ERI1: variants seen among roughly 807,000 people sequenced by gnomAD.
The protein encoded by ERI1 is exoribonuclease 1, also known as 3'-5' exoribonuclease 1.
In ERI1, 39 loss-of-function variants were observed where a neutral mutation model predicts 39.7. The observed-to-expected ratio is 0.98, with a 90% confidence interval of 0.76 to 1.28. The LOEUF (loss-of-function observed/expected upper bound fraction) is 1.28. ERI1 is among the 50% of genes most tolerant of loss of function. The pLI is 0.00. For missense variants in ERI1, 581 were observed against 416.9 expected (o/e 1.39, Z -3.43); for synonymous variants, 204 against 149.6 (o/e 1.36, Z -2.65).
At chr8:9,010,081 A>G (rs536221949) in intron 2 of ERI1, among the ~76,000 whole-genome samples, 44 of 152,268 alleles carry the variant, frequency 2.9e-4, no homozygotes, top group African/African-American at 4.6e-4. Context: ...GCCATGCTCA[A>G]CGAAGCTAAT....
chr8:9,037,891 TAA>T (rs33912518), downstream of ERI1, among the ~76,000 whole-genome samples: 257 of 145,762 alleles, frequency 1.8e-3, 1 homozygote, highest in Middle Eastern at 3.6e-3. Context: ...ATTGCTGATT[TAA>T]AAAAAAAAAA....
chr8:9,042,452 C>A (rs1798056099), intron 3 of ERI1, among the ~76,000 whole-genome samples: 2 of 152,094 alleles, frequency 1.3e-5, no homozygotes, highest in Admixed American at 1.3e-4. Context: ...ACTGCTACGC[C>A]CTCTCCCGCC....
intron 3 of ERI1, among the ~76,000 whole-genome samples, chr8:9,099,287 T>C (rs1434068186): frequency 7.1e-6 from 1 of 140,992 alleles, no homozygotes; most frequent in African/African-American, 3.2e-5. Flanking sequence ...TTAGTTCAAC[T>C]TTTTTCAGAA....
intron 3 of ERI1, among the ~76,000 whole-genome samples, chr8:9,011,972 T>C (rs1235273977): frequency 6.6e-6 from 1 of 152,212 alleles, no homozygotes; most frequent in East Asian, 1.9e-4. Context: ...AGTTAAAATG[T>C]TGTTTTCCAT....
At chr8:9,049,003 T>C (rs1173634972) in intron 3 of ERI1, among the ~76,000 whole-genome samples, 1 of 151,988 alleles carries the variant, frequency 6.6e-6, no homozygotes, top group Non-Finnish European at 1.5e-5. Flanking sequence ...GTGAGCGAGA[T>C]GTAAATGCAG....
rs142511174 is a variant in ERI1, at chr8:9,068,971, C to G, written n.300-47377C>G. 7.6e-4 allele frequency among the ~76,000 whole-genome samples: 115 copies of G among 152,220 alleles called. 1 individual carries two copies. In the East Asian group the frequency reaches 0.015, roughly 20 times the overall value. ...TAGCTGGGACTACAGGTGTGCACCACCATGCTTGGCTAATCTTTTTATTTT... is the reference window on the plus strand; with the variant it reads ...TAGCTGGGACTACAGGTGTGCACCAGCATGCTTGGCTAATCTTTTTATTTT... On this transcript the variant is annotated intron_variant and non_coding_transcript_variant, in intron 3 of 3. Transcript: ENST00000518663.
chr8:9,072,972 A>G lies in ERI1; in HGVS notation n.300-43376A>G, dbSNP rs544611979. Among the ~76,000 whole-genome samples, 6 of 152,356 alleles carry G rather than the reference A, an allele frequency of 3.9e-5. No homozygotes were observed. In the South Asian group the frequency reaches 8.3e-4, roughly 21 times the overall value. On this transcript the variant is annotated intron_variant and non_coding_transcript_variant, in intron 3 of 3. Coordinates refer to the ERI1 transcript ENST00000518663. The stretch of plus-strand genomic sequence containing the variant: ...GAAATACAAAAACATTTTGTGGTCT[A>G]GCTGCTCACTGTATTTTCACTCTGT...
chr8:9,069,048 G>A (rs574486926), intron 3 of ERI1, among the ~76,000 whole-genome samples: 23 of 152,190 alleles, frequency 1.5e-4, no homozygotes, highest in Non-Finnish European at 2.9e-4. Flanking sequence ...CGAACTCCTG[G>A]GCTCAAGCCG....
intron 6 of ERI1, among the ~76,000 whole-genome samples, chr8:9,022,629 G>T (rs1818036506): frequency 6.6e-6 from 1 of 152,034 alleles, no homozygotes; most frequent in Non-Finnish European, 1.5e-5. Flanking sequence ...CGAACTCCTG[G>T]ACTCAAATGA....
At chr8:9,065,228 CA>C (rs36053527) in intron 3 of ERI1, among the ~76,000 whole-genome samples, 2 of 152,074 alleles carry the variant, frequency 1.3e-5, no homozygotes, top group Non-Finnish European at 2.9e-5. Context: ...AGTGCATGTA[CA>C]AAAAAAGTTA....
chr8:9,075,780 G>A lies in ERI1; in HGVS notation n.300-40568G>A, dbSNP rs143169665. 1.7e-3 allele frequency among the ~76,000 whole-genome samples: 253 copies of A among 152,166 alleles called. 1 individual carries two copies. Among genetic ancestry groups the A allele is most frequent in the African/African-American group, 5.9e-3 (244 of 41,496 alleles). ...ATTAGGTTTACTATTACAGTGAAAG[G>A]GAAAAATAATCTTAAAAAATTTTTT... is the stretch of plus-strand genomic sequence containing the variant. On this transcript the variant is annotated intron_variant and non_coding_transcript_variant, in intron 3 of 3. Transcript: ENST00000518663.
chr8:9,048,102 A>G (rs1798237822), intron 3 of ERI1, among the ~76,000 whole-genome samples: 6 of 152,210 alleles, frequency 3.9e-5, no homozygotes, highest in African/African-American at 1.4e-4. Flanking sequence ...GAAGGGCCAC[A>G]ACCACCTGAG....
chr8:9,096,401 G>C (rs1799878473), intron 3 of ERI1, among the ~76,000 whole-genome samples: 1 of 152,160 alleles, frequency 6.6e-6, no homozygotes, highest in Non-Finnish European at 1.5e-5. Flanking sequence ...TCTTCATCAA[G>C]GGATTGGCCT....
chr8:9,056,245 T>A (rs1226180838), intron 3 of ERI1, among the ~76,000 whole-genome samples: 1 of 152,232 alleles, frequency 6.6e-6, no homozygotes, highest in Non-Finnish European at 1.5e-5. Flanking sequence ...ATCAGCTGGA[T>A]GGGGCACTCC....
At chr8:9,050,167 G>T (rs1282104800) in intron 3 of ERI1, among the ~76,000 whole-genome samples, 1 of 22,170 alleles carries the variant, frequency 4.5e-5, no homozygotes, top group Non-Finnish European at 8.8e-5. Context: ...CATTCTAAGT[G>T]GTCAAAAAAA....
downstream of ERI1, among the ~76,000 whole-genome samples, chr8:9,035,909 A>T (rs144359278): frequency 2.0e-5 from 3 of 152,306 alleles, no homozygotes; most frequent in East Asian, 5.8e-4. Flanking sequence ...AGGAATTTGC[A>T]AGAAGTTGAT....
intron 3 of ERI1, among the ~76,000 whole-genome samples, chr8:9,081,261 G>T (rs1309946805): frequency 6.6e-6 from 1 of 152,146 alleles, no homozygotes; most frequent in Non-Finnish European, 1.5e-5. Context: ...ATGAGATTTG[G>T]GTGGGGACAC....
intron 3 of ERI1, among the ~76,000 whole-genome samples, chr8:9,050,961 G>T (rs1264052635): frequency 6.6e-6 from 1 of 152,106 alleles, no homozygotes; most frequent in Non-Finnish European, 1.5e-5. Flanking sequence ...TTCTTTGTCT[G>T]GGCTGGTTCA....
chr8:9,042,801 T>C (rs1426296167), intron 3 of ERI1, among the ~76,000 whole-genome samples: 1 of 152,214 alleles, frequency 6.6e-6, no homozygotes, highest in African/African-American at 2.4e-5. Flanking sequence ...AATATCAATA[T>C]AATACGGATA....
Sources: allele counts gnomAD v4.1 joint callset (sites outside exome capture counted in the v4.1 genomes callset), GRCh38; gene constraint gnomAD v4.1.1; transcripts MANE v1.5; gene names NCBI Gene and HGNC (gene_info 2026-07-23, HGNC 2026-07-21).